The following ARSG variants were observed in gnomAD, a reference collection of about 807,000 sequenced individuals.
The protein encoded by ARSG is ASG.
A neutral mutation model predicts 50.5 loss-of-function variants in ARSG; 37 were observed. That is an observed-to-expected ratio of 0.73 (90% CI 0.56 to 0.96). The LOEUF (loss-of-function observed/expected upper bound fraction) is 0.96. ARSG is among the 50% of genes least tolerant of loss of function. The probability of loss-of-function intolerance (pLI) is 0.00; values close to 1 mark genes in which losing one functional copy is unlikely to be tolerated. For missense variants in ARSG, 629 were observed against 675.3 expected, an observed-to-expected ratio of 0.93 and a Z score of 0.76; for synonymous variants, 225 against 254.6, an observed-to-expected ratio of 0.88 and a Z score of 1.11.
At chr17:68,416,080 GTTTT>G (rs1439120702) in intron 11 of ARSG, among the ~76,000 whole-genome samples, 2 of 151,922 alleles carry the variant, frequency 1.3e-5, no homozygotes, top group Non-Finnish European at 2.9e-5. Context: ...ATGTGCCTTG[GTTTT>G]TTTGTTTTTG....
At chr17:68,302,776 C>T (rs1173352777) in intron 1 of ARSG, among the ~76,000 whole-genome samples, 2 of 152,168 alleles carry the variant, frequency 1.3e-5, no homozygotes, top group African/African-American at 4.8e-5. Flanking sequence ...GAGCATGAGA[C>T]ATGGGAAATT....
intron 11 of ARSG, among the ~76,000 whole-genome samples, chr17:68,415,065 G>T (rs1046939202): frequency 2.0e-5 from 3 of 151,862 alleles, no homozygotes; most frequent in African/African-American, 7.3e-5. Context: ...CCTTTTGTCT[G>T]CTGGGTTTTG....
chr17:68,412,610 C>G (rs949293432), intron 11 of ARSG, among the ~76,000 whole-genome samples: 2 of 152,152 alleles, frequency 1.3e-5, no homozygotes, highest in Non-Finnish European at 2.9e-5. Context: ...TGGAGTTGCT[C>G]TTCTTGAGGA....
intron 2 of ARSG, among the ~76,000 whole-genome samples, chr17:68,333,321 CA>C (rs547143707): frequency 1.4e-5 from 2 of 144,840 alleles, no homozygotes; most frequent in Non-Finnish European, 3.0e-5. Flanking sequence ...GACTCCGTCT[CA>C]AAAAAAATAA....
chr17:68,406,166 T>C (rs1600121164), intron 11 of ARSG, among the ~76,000 whole-genome samples: 1 of 152,226 alleles, frequency 6.6e-6, no homozygotes, highest in Non-Finnish European at 1.5e-5. Context: ...TCTGAGTTAC[T>C]TCACTTAGAA....
At chr17:68,273,746 G>T in intron 1 of ARSG, 1 of 595,890 alleles carries the variant, frequency 1.7e-6, no homozygotes. Flanking sequence ...CTTGAGAACA[G>T]ATTCCCAGGT....
chr17:68,444,365 G>C, the ARSG span: 1 of 803,528 alleles, frequency 1.2e-6, no homozygotes. Context: ...AAAGCTTCGA[G>C]ATAAACCTCA....
chr17:68,425,562 G>A (rs1443595232), downstream of ARSG, among the ~76,000 whole-genome samples: 4 of 151,904 alleles, frequency 2.6e-5, no homozygotes, highest in Admixed American at 1.3e-4. Context: ...GGGGAGGTGC[G>A]GGTCTGCCGG....
At chr17:68,360,805 A>T (rs2079246644) in intron 6 of ARSG, among the ~76,000 whole-genome samples, 1 of 152,082 alleles carries the variant, frequency 6.6e-6, no homozygotes, top group South Asian at 2.1e-4. Flanking sequence ...GCGGCCCAGC[A>T]TGTTTGAAAT....
intron 8 of ARSG, among the ~76,000 whole-genome samples, chr17:68,376,851 A>G (rs1042521678): frequency 1.4e-5 from 2 of 144,548 alleles, no homozygotes; most frequent in Non-Finnish European, 3.0e-5. Context: ...GTTGGAAAAG[A>G]CCTCAGTCAT....
intron 9 of ARSG, among the ~76,000 whole-genome samples, chr17:68,386,258 C>T (rs996735117): frequency 2.0e-5 from 3 of 152,180 alleles, no homozygotes; most frequent in African/African-American, 7.2e-5. Context: ...GGGAACCCTC[C>T]GTAGAACCCT....
chr17:68,442,710 G>C, the ARSG span, among the ~76,000 whole-genome samples: 1 of 152,158 alleles, frequency 6.6e-6, no homozygotes, highest in South Asian at 2.1e-4. Context: ...GCTCTATGCA[G>C]ATTCAGGGGC....
At chr17:68,436,589 G>T in the ARSG span, 1 of 961,822 alleles carries the variant, frequency 1.0e-6, no homozygotes, top group Non-Finnish European at 1.6e-6. Flanking sequence ...CTGGCAAGGG[G>T]AGGAATGGCT....
intron 4 of ARSG, among the ~76,000 whole-genome samples, chr17:68,350,562 T>G (rs1027424101): frequency 2.0e-5 from 3 of 151,776 alleles, no homozygotes; most frequent in African/African-American, 7.3e-5. Context: ...GAGGTGGGTG[T>G]ATCACGAGGT....
Position 68,420,317 on chromosome 17 carries a change from G to C in ARSG, c.1432G>C (p.Val478Leu). 1 of 1,614,172 alleles carries C rather than the reference G, an allele frequency of 6.2e-7. No individual in the cohort carries two copies. The highest frequency in any genetic ancestry group is 8.5e-7 in the Non-Finnish European group (1 of 1,180,040). The part of the protein sequence containing the change: ...LERGGAEYQA[V>L]LPEVRKVLAD... ...AAGAGGTGGTGCGGAGTACCAGGCTGTGCTGCCCGAGGTCAGAAAGGTTCT... is the reference window on the plus strand; with the variant it reads ...AAGAGGTGGTGCGGAGTACCAGGCTCTGCTGCCCGAGGTCAGAAAGGTTCT... The change falls in exon 12 of 12, where the codon GTG (valine) becomes CTG (leucine). Residue 478 changes from valine to leucine, a missense_variant. Val to Leu is a conservative substitution (Grantham distance 32). Transcript: ENST00000621439.
intron 5 of ARSG, among the ~76,000 whole-genome samples, chr17:68,354,929 C>A (rs187789852): frequency 6.6e-6 from 1 of 152,144 alleles, no homozygotes; most frequent in Non-Finnish European, 1.5e-5. Flanking sequence ...ACCATATCTC[C>A]TATATTTCTG....
chr17:68,309,975 G>A (rs2076783302), intron 2 of ARSG, among the ~76,000 whole-genome samples: 1 of 131,160 alleles, frequency 7.6e-6, no homozygotes, highest in African/African-American at 3.3e-5. Context: ...TGTTTGTTTT[G>A]TTGTGTTTTT....
intron 9 of ARSG, among the ~76,000 whole-genome samples, chr17:68,391,922 T>C (rs1393647523): frequency 6.6e-6 from 1 of 152,202 alleles, no homozygotes; most frequent in African/African-American, 2.4e-5. Context: ...GGAGAGATTC[T>C]GCCTGGGGTT....
In ARSG at chr17:68,307,430, C is replaced by A; in HGVS notation, c.-64C>A. 1 of 1,322,682 alleles carries A rather than the reference C, an allele frequency of 7.6e-7. No individual in the cohort carries two copies. Among genetic ancestry groups the A allele is most frequent in the Non-Finnish European group, 1.1e-6 (1 of 933,006 alleles). 81.9% of individuals were successfully genotyped at this position (1,322,682 alleles called of 1,614,324 possible). ...TTTGAAAGTGAGCAGAAAGGAAGCT[C>A]TCAGAAAAATCTCTAGTGGTGGCTG... is the stretch of plus-strand genomic sequence containing the variant. On this transcript the variant is annotated 5_prime_UTR_variant, in exon 2 of 12. Transcript: ENST00000621439.
Sources: gnomAD v4.1 joint callset for allele counts (sites outside exome capture counted in the v4.1 genomes callset) on GRCh38, gnomAD v4.1.1 for gene constraint, MANE v1.5 for transcripts, NCBI Gene and HGNC (gene_info 2026-07-23, HGNC 2026-07-21) for gene names.